ZBTB40: variants seen among roughly 807,000 people sequenced by gnomAD.
ZBTB40 encodes the protein zinc finger and BTB domain containing 40, also known as zinc finger and BTB domain-containing protein 40.
In ZBTB40, 60 loss-of-function variants were observed where a neutral mutation model predicts 117.5. That is an observed-to-expected ratio of 0.51 (90% confidence interval 0.41 to 0.63). The LOEUF (loss-of-function observed/expected upper bound fraction) is 0.63, where lower values mean the gene tolerates loss of function less well. ZBTB40 is among the 30% of genes least tolerant of loss of function. The probability of loss-of-function intolerance (pLI) is 0.00; values close to 1 mark genes in which losing one functional copy is unlikely to be tolerated. For synonymous variants in ZBTB40, 525 were observed against 577.1 expected (o/e 0.91, Z 1.29); for missense variants, 1,287 against 1,498.5 (o/e 0.86, Z 2.33).
In ZBTB40 at chr1:22,502,293, C is replaced by G. The variant is rs371288867; in HGVS notation, c.1025-6C>G. 17 of 1,612,892 alleles carry G rather than the reference C, an allele frequency of 1.1e-5. No homozygotes were observed. Among genetic ancestry groups the G allele is most frequent in the Non-Finnish European group, 1.4e-5 (17 of 1,179,436 alleles). ...TCTTGTGTGTCTCTAACTCTTTCTCCCCCAGGGAGCACAGAGGAGGGAAAG... is the reference window on the plus strand; with the variant it reads ...TCTTGTGTGTCTCTAACTCTTTCTCGCCCAGGGAGCACAGAGGAGGGAAAG... On this transcript the variant is annotated splice_region_variant and splice_polypyrimidine_tract_variant and intron_variant, in intron 4 of 17. Coordinates refer to ENST00000375647, the MANE Select transcript of ZBTB40 (RefSeq NM_014870.4).
At chr1:22,468,290 G>A (rs958551305) in intron 1 of ZBTB40, among the ~76,000 whole-genome samples, 4 of 151,702 alleles carry the variant, frequency 2.6e-5, no homozygotes, top group African/African-American at 7.3e-5. Context: ...CCGAGTCCAC[G>A]GTCTAAAACA....
intron 8 of ZBTB40, 75 bp downstream of exon 8, chr1:22,508,806 G>A: frequency 1.4e-6 from 2 of 1,469,746 alleles, no homozygotes; most frequent in Admixed American, 1.9e-5. Context: ...AATAGGAAGA[G>A]CTCTCTTAAC....
intron 1 of ZBTB40, among the ~76,000 whole-genome samples, chr1:22,456,875 A>G (rs1160736465): frequency 1.3e-5 from 2 of 152,364 alleles, no homozygotes; most frequent in East Asian, 1.9e-4. Context: ...TTCTACTGAT[A>G]GAGGAAAGGA....
intron 3 of ZBTB40, among the ~76,000 whole-genome samples, chr1:22,499,927 T>C (rs1431056434): frequency 6.6e-6 from 1 of 152,210 alleles, no homozygotes; most frequent in African/African-American, 2.4e-5. Context: ...GCTCCTTTAG[T>C]GTGGTGGGGA....
chr1:22,451,709 AAG>A (rs1462988911), upstream of ZBTB40: 1 of 149,750 alleles, frequency 6.7e-6, no homozygotes, highest in Admixed American at 6.7e-5. Flanking sequence ...GGGAGTGGCC[AAG>A]GTCAGAGGTC....
chr1:22,469,582 A>G (rs1641350709), intron 1 of ZBTB40, among the ~76,000 whole-genome samples: 1 of 151,796 alleles, frequency 6.6e-6, no homozygotes, highest in Admixed American at 6.6e-5. Flanking sequence ...TATGAGACGG[A>G]GTCTTACTCT....
At chr1:22,497,346 C>T (rs1306181454) in intron 3 of ZBTB40, among the ~76,000 whole-genome samples, 1 of 152,128 alleles carries the variant, frequency 6.6e-6, no homozygotes, top group Non-Finnish European at 1.5e-5. Context: ...TCAGCCGTGT[C>T]GCTGCTTTGG....
intron 1 of ZBTB40, among the ~76,000 whole-genome samples, chr1:22,454,064 C>T (rs1640947765): frequency 6.6e-6 from 1 of 152,164 alleles, no homozygotes; most frequent in Non-Finnish European, 1.5e-5. Flanking sequence ...ATTCTTCTGC[C>T]TCAACCTCCT....
intron 1 of ZBTB40, among the ~76,000 whole-genome samples, chr1:22,468,806 A>C (rs1366898134): frequency 2.1e-5 from 3 of 146,154 alleles, no homozygotes; most frequent in Non-Finnish European, 4.5e-5. Flanking sequence ...GTGTTTCCTT[A>C]TTGATTTGTA....
intron 1 of ZBTB40, among the ~76,000 whole-genome samples, chr1:22,436,370 G>A (rs958972240): frequency 2.0e-5 from 3 of 152,096 alleles, no homozygotes; most frequent in African/African-American, 7.2e-5. Flanking sequence ...AAATTAGCCG[G>A]GTGTGGTGGC....
At chr1:22,514,986 A>G (rs558084049) in intron 12 of ZBTB40, among the ~76,000 whole-genome samples, 1 of 152,372 alleles carries the variant, frequency 6.6e-6, no homozygotes, top group African/African-American at 2.4e-5. Flanking sequence ...AAATAAATAT[A>G]TAGTATAAAT....
At position 22,513,195 on chromosome 1, in the gene ZBTB40, G is replaced by A; in HGVS notation, c.2668+65G>A. 1 of 1,538,378 alleles carries A rather than the reference G, an allele frequency of 6.5e-7. No homozygotes were observed. The highest frequency in any genetic ancestry group is 1.9e-5 in the Admixed American group (1 of 52,960). ...CTGCGAACTGCCTAAACCCCATTTG[G>A]ATTAGGTGTGATATATATCTCAAAA... On this transcript the variant is annotated intron_variant, in intron 12 of 17. Coordinates refer to ENST00000375647, the MANE Select transcript of ZBTB40 (RefSeq NM_014870.4). The surrounding 1 kb of genome is among the most constrained non-coding windows in gnomAD (Gnocchi z 4.9).
Position 22,489,959 on chromosome 1 carries a change from C to T in ZBTB40, c.11C>T (p.Pro4Leu), listed in dbSNP as rs1638575981. Residue 4 changes from proline (P) to leucine (L), a missense_variant, in exon 2 of 18, where the codon CCC (proline) becomes CTC (leucine). Physicochemically the swap from Pro to Leu is moderately conservative, Grantham distance 98 (BLOSUM62 -3). Coordinates refer to ENST00000375647, the MANE Select transcript of ZBTB40 (RefSeq NM_014870.4). ...GGCAGAGTTGACGCAATGGAGCTCCCCAACTACAGCCGGCAGCTGCTGCAG... is the reference window on the plus strand; with the variant it reads ...GGCAGAGTTGACGCAATGGAGCTCCTCAACTACAGCCGGCAGCTGCTGCAG... MELPNYSRQLLQQL... is the reference protein window; with the variant it reads MELLNYSRQLLQQL... 1 of 1,611,608 alleles carries T rather than the reference C, an allele frequency of 6.2e-7. No homozygotes were observed. Among genetic ancestry groups the T allele is most frequent in the Non-Finnish European group, 8.5e-7 (1 of 1,179,984 alleles).
chr1:22,433,432 CAAA>C (rs767913519), intron 1 of ZBTB40, among the ~76,000 whole-genome samples: 903 of 8,702 alleles, frequency 0.1, 4 homozygotes, highest in Non-Finnish European at 0.17. Flanking sequence ...GACGCCCTCT[CAAA>C]AAAAAAAAAA....
intron 3 of ZBTB40, among the ~76,000 whole-genome samples, chr1:22,493,926 A>T (rs541877960): frequency 6.6e-6 from 1 of 151,314 alleles, no homozygotes; most frequent in African/African-American, 2.4e-5. Context: ...ATCCACCTCT[A>T]CTATTTACTA....
chr1:22,455,686 A>T (rs138751629), intron 1 of ZBTB40, among the ~76,000 whole-genome samples: 227 of 152,272 alleles, frequency 1.5e-3, no homozygotes, highest in African/African-American at 4.8e-3. Context: ...GATAGTATGA[A>T]ACTGCAAGAA....
At chr1:22,471,895 C>T (rs189221859) in intron 1 of ZBTB40, among the ~76,000 whole-genome samples, 335 of 152,302 alleles carry the variant, frequency 2.2e-3, no homozygotes, top group African/African-American at 7.3e-3. Context: ...AGTAAGCCAC[C>T]GGCGAGGGGC....
At chr1:22,524,087 C>G in intron 16 of ZBTB40, 131 bp from the exon 17 acceptor site, 1 of 867,774 alleles carries the variant, frequency 1.2e-6, no homozygotes, top group South Asian at 1.4e-5. Context: ...TCGTGTCCCA[C>G]AAAATGTGGA....
chr1:22,444,722 C>T (rs1640769592), intron 1 of ZBTB40, among the ~76,000 whole-genome samples: 1 of 152,170 alleles, frequency 6.6e-6, no homozygotes, highest in Non-Finnish European at 1.5e-5. Context: ...AGACAGCCCA[C>T]CCCAATGGAA....
Sources: gnomAD v4.1 joint callset for allele counts (sites outside exome capture counted in the v4.1 genomes callset) on GRCh38, gnomAD v4.1.1 for gene constraint, Gnocchi (gnomAD v3.1) non-coding constraint, MANE v1.5 for transcripts, NCBI Gene and HGNC (gene_info 2026-07-23, HGNC 2026-07-21) for gene names.